PLEKHG4B: variants seen among roughly 807,000 people sequenced by gnomAD.
The protein encoded by PLEKHG4B is pleckstrin homology and RhoGEF domain containing G4B, also known as pleckstrin homology domain-containing family G member 4B.
Under a neutral mutation model 121.3 loss-of-function variants are expected in PLEKHG4B, and 111 were observed. That is an observed-to-expected ratio of 0.92 (90% CI 0.78 to 1.07). The LOEUF (loss-of-function observed/expected upper bound fraction) is 1.07. Ranked by LOEUF, PLEKHG4B falls within the 50% of genes least tolerant of loss-of-function variation. The pLI is 0.00. For synonymous variants in PLEKHG4B, 738 were observed against 725.0 expected, an observed-to-expected ratio of 1.02 and a Z score of -0.29; for missense variants, 1,831 against 1,757.8, an observed-to-expected ratio of 1.04 and a Z score of -0.74.
At chr5:158,710 C>T (rs1312623909) in intron 11 of PLEKHG4B, among the ~76,000 whole-genome samples, 1 of 148,032 alleles carries the variant, frequency 6.8e-6, no homozygotes, top group African/African-American at 2.5e-5. Flanking sequence ...TGGGGGGTCT[C>T]CTTCGTCTTC....
chr5:135,489 C>T (rs1734932060), intron 2 of PLEKHG4B, among the ~76,000 whole-genome samples: 1 of 148,562 alleles, frequency 6.7e-6, no homozygotes, highest in Non-Finnish European at 1.5e-5. Context: ...CACAGTGAAA[C>T]CCTGTCTCTA....
Position 140,650 on chromosome 5 carries a change from G to A in PLEKHG4B, c.1411G>A (p.Gly471Arg). 6.2e-7 allele frequency: 1 copy of A among 1,608,404 alleles called. No individual in the cohort carries two copies. Among genetic ancestry groups the A allele is most frequent in the Non-Finnish European group, 8.5e-7 (1 of 1,177,478 alleles). ...SAGSRPGGHL[G>R]GQAVGTPNCV... ...AGGCTCCAGGCCTGGGGGCCACCTA[G>A]GAGGACAAGCTGTGGGGACCCCAAA... Residue 471 changes from glycine (G) to arginine (R), a missense_variant, in exon 3 of 20, where the codon GGA (glycine) becomes AGA (arginine). Coordinates refer to ENST00000637938, the MANE Select transcript of PLEKHG4B (RefSeq NM_052909.5).
chr5:117,282 A>T (rs1390282531), intron 2 of PLEKHG4B, among the ~76,000 whole-genome samples: 1 of 152,234 alleles, frequency 6.6e-6, no homozygotes, highest in Non-Finnish European at 1.5e-5. Flanking sequence ...TGCTATGAAT[A>T]GATGAATATA....
chr5:181,379 C>G (rs72720479), intron 18 of PLEKHG4B, 135 bp from the exon 19 acceptor site: 14 of 894,148 alleles, frequency 1.6e-5, no homozygotes, highest in Non-Finnish European at 2.3e-5. Flanking sequence ...CCCCCCATGC[C>G]CCTCGTGGGG....
intron 3 of PLEKHG4B, among the ~76,000 whole-genome samples, chr5:142,432 GCA>G (rs201610589): frequency 0.015 from 2,192 of 148,702 alleles, 57 homozygotes; most frequent in African/African-American, 0.051. Context: ...ATACACGCGC[GCA>G]CAGTCACCAG....
At chr5:109,032 C>A (rs1482161475) in intron 1 of PLEKHG4B, among the ~76,000 whole-genome samples, 1 of 152,180 alleles carries the variant, frequency 6.6e-6, no homozygotes, top group Non-Finnish European at 1.5e-5. Flanking sequence ...ATTCACCACC[C>A]TGCTGTGCTA....
At chr5:92,459 G>A (rs1470825274) in intron 1 of PLEKHG4B, among the ~76,000 whole-genome samples, 183 bp downstream of exon 1, 10 of 126,164 alleles carry the variant, frequency 7.9e-5, no homozygotes, top group Non-Finnish European at 1.4e-4. Context: ...GGGTGGGGGC[G>A]CCGGGGTAGG....
chr5:182,242 G>A lies in PLEKHG4B; in HGVS notation c.4803G>A (p.Glu1601=). The A allele has an allele frequency of 6.2e-7, 1 of 1,613,682 alleles. No homozygotes were observed. Among genetic ancestry groups the A allele is most frequent in the Non-Finnish European group, 8.5e-7 (1 of 1,180,034 alleles). The change falls in exon 20 of 20, where the codon GAG becomes GAA. Residue 1601 remains glutamate, a synonymous_variant. Coordinates refer to ENST00000637938, the MANE Select transcript of PLEKHG4B (RefSeq NM_052909.5). The stretch of plus-strand genomic sequence containing the variant: ...CCTGCGTCGAGGAAGATGAGCCAGA[G>A]CCAGAACTAGAGACGGGCACCCAGG... The part of the protein sequence containing the change: ...IRACVEEDEP[E]PELETGTQAA...
Position 163,074 on chromosome 5 carries a change from G to A in PLEKHG4B, c.3002G>A (p.Gly1001Asp). The A allele has an allele frequency of 6.4e-7, 1 of 1,562,292 alleles. No individual in the cohort carries two copies. Reference protein sequence around the residue: ...PSFPSTDSGGGAWEPAQPLSG... With the variant: ...PSFPSTDSGGDAWEPAQPLSG... The stretch of plus-strand genomic sequence containing the variant: ...TTCCCCAGCACGGACAGTGGGGGTG[G>A]TGCCTGGGAACCTGCGCAACCACTG... The change falls in exon 13 of 20, where the codon GGT becomes GAT. Residue 1001 changes from glycine to aspartate, a missense_variant. Transcript: ENST00000637938.
At chr5:108,899 G>GC (rs1734053957) in intron 1 of PLEKHG4B, among the ~76,000 whole-genome samples, 1 of 152,228 alleles carries the variant, frequency 6.6e-6, no homozygotes, top group African/African-American at 2.4e-5. Flanking sequence ...CCAGAGATGG[G>GC]CACGGGTACC....
At chr5:164,886 C>T (rs36189729) in intron 13 of PLEKHG4B, among the ~76,000 whole-genome samples, 2,881 of 60,842 alleles carry the variant, frequency 0.047, 142 homozygotes, top group Non-Finnish European at 0.084. Context: ...TCTGACGGGG[C>T]GGAGCTCACA....
In PLEKHG4B at chr5:169,362, G is replaced by A; in HGVS notation, c.3499G>A (p.Ala1167Thr). 1 of 1,614,108 alleles carries A rather than the reference G, an allele frequency of 6.2e-7. No individual in the cohort carries two copies. The highest frequency in any genetic ancestry group is 1.1e-5 in the South Asian group (1 of 91,084). ...VGSSRLRHIMAEMIATEREYI... is the reference protein window; with the variant it reads ...VGSSRLRHIMTEMIATEREYI... ...CAGCAGCCGACTGAGGCACATCATG[G>A]CCGAGATGATCGCCACAGAGAGGGA... Residue 1167 changes from alanine to threonine, a missense_variant, in exon 14 of 20, where the codon GCC becomes ACC. Physicochemically the swap from Ala to Thr is moderately conservative, Grantham distance 58. Transcript: ENST00000637938.
Position 182,808 on chromosome 5 carries a change from G to C in PLEKHG4B, c.*485G>C, listed in dbSNP as rs1357892979. 1.2e-5 allele frequency: 2 copies of C among 169,764 alleles called. No homozygotes were observed. Among genetic ancestry groups the C allele is most frequent in the African/African-American group, 4.8e-5 (2 of 41,940 alleles). The allele number at this position is 169,764 out of a possible 1,614,324, so 10.5% of individuals were successfully genotyped here. ...GAGACCAAGTCAGCAGGAGTTGGCA[G>C]GTCAGAGTGCCAGAGAGAGATGCCT... On this transcript the variant is annotated 3_prime_UTR_variant, in exon 20 of 20. Transcript: ENST00000637938.
intron 6 of PLEKHG4B, among the ~76,000 whole-genome samples, chr5:148,919 C>T (rs1735515294): frequency 6.6e-6 from 1 of 152,138 alleles, no homozygotes; most frequent in African/African-American, 2.4e-5. Context: ...AACTAACAAT[C>T]ATATACATAA....
chr5:119,100 T>C (rs887495115), intron 2 of PLEKHG4B, among the ~76,000 whole-genome samples: 12 of 151,970 alleles, frequency 7.9e-5, no homozygotes, highest in Admixed American at 5.9e-4. Flanking sequence ...GCTTAAGTGA[T>C]CCTCCTGCCT....
At chr5:98,084 T>A (rs1034137732) in intron 1 of PLEKHG4B, among the ~76,000 whole-genome samples, 1 of 152,164 alleles carries the variant, frequency 6.6e-6, no homozygotes, top group African/African-American at 2.4e-5. Context: ...TATATTTTCT[T>A]TTGTTGCTCA....
intron 5 of PLEKHG4B, among the ~76,000 whole-genome samples, chr5:144,603 G>A (rs1735341830): frequency 6.6e-6 from 1 of 152,194 alleles, no homozygotes; most frequent in African/African-American, 2.4e-5. Context: ...TGTGCCCAGA[G>A]ACACTGTCTG....
chr5:160,224 C>A lies in PLEKHG4B; in HGVS notation c.2488-1559C>A, dbSNP rs910282057. Among the ~76,000 whole-genome samples, 4 of 152,380 alleles carry A rather than the reference C, an allele frequency of 2.6e-5. No homozygotes were observed. The East Asian group carries it at 7.7e-4, about 29-fold the overall frequency. On this transcript the variant is annotated intron_variant, in intron 11 of 19. Coordinates refer to ENST00000637938, the MANE Select transcript of PLEKHG4B (RefSeq NM_052909.5). ...ATGCGCTGCAAGCTCAGTCCCCGAGCCATGTTCACACGGCTCCCACACTGA... is the reference window on the plus strand; with the variant it reads ...ATGCGCTGCAAGCTCAGTCCCCGAGACATGTTCACACGGCTCCCACACTGA...
intron 6 of PLEKHG4B, among the ~76,000 whole-genome samples, chr5:146,055 C>T (rs914912818): frequency 2.0e-5 from 3 of 150,832 alleles, no homozygotes; most frequent in Admixed American, 2.0e-4. Flanking sequence ...TCCCTCCTCT[C>T]CCCCTCCATG....
Sources: gnomAD v4.1 joint callset for allele counts (sites outside exome capture counted in the v4.1 genomes callset) on GRCh38, gnomAD v4.1.1 for gene constraint, MANE v1.5 for transcripts, NCBI Gene and HGNC (gene_info 2026-07-23, HGNC 2026-07-21) for gene names.